Variants in INPP4B observed in about 807,000 individuals in gnomAD.
INPP4B encodes inositol polyphosphate-4-phosphatase type II B.
A neutral mutation model predicts 122.5 loss-of-function variants in INPP4B; 55 were observed. The ratio of observed to expected loss-of-function variants is 0.45; its 90% CI spans 0.36 to 0.56. The LOEUF is 0.56. INPP4B is among the 20% of genes least tolerant of loss of function. The pLI is 0.00. For missense variants in INPP4B, 1,000 were observed against 1,097.7 expected, an observed-to-expected ratio of 0.91 and a Z score of 1.26; for synonymous variants, 403 against 388.7, an observed-to-expected ratio of 1.04 and a Z score of -0.43.
intron 25 of INPP4B, among the ~76,000 whole-genome samples, chr4:142,061,390 A>C (rs756567413): frequency 6.6e-6 from 1 of 152,176 alleles, no homozygotes; most frequent in Non-Finnish European, 1.5e-5. Flanking sequence ...AAAAAGTTAC[A>C]AGTACATAGA....
At chr4:142,585,496 T>G (rs1357981894) in intron 2 of INPP4B, among the ~76,000 whole-genome samples, 1 of 152,144 alleles carries the variant, frequency 6.6e-6, no homozygotes, top group African/African-American at 2.4e-5. Context: ...ACAAACTCTC[T>G]CTGTGGGATC....
chr4:142,137,408 G>A (rs1232373743), intron 18 of INPP4B, among the ~76,000 whole-genome samples: 3 of 119,038 alleles, frequency 2.5e-5, no homozygotes, highest in African/African-American at 5.8e-5. Context: ...AGACTTAAAC[G>A]TTAGACCTAA....
chr4:142,205,478 T>A (rs775112439), intron 14 of INPP4B, among the ~76,000 whole-genome samples: 2 of 152,166 alleles, frequency 1.3e-5, no homozygotes, highest in African/African-American at 4.8e-5. Flanking sequence ...CAAGACTTCG[T>A]TGATTTTTAA....
intron 9 of INPP4B, among the ~76,000 whole-genome samples, chr4:142,292,876 T>C (rs1757014542): frequency 6.6e-6 from 1 of 152,152 alleles, no homozygotes; most frequent in African/African-American, 2.4e-5. Flanking sequence ...TAATGTAATA[T>C]ATGCCTAGTA....
At chr4:142,216,401 T>C (rs1847276471) in intron 12 of INPP4B, among the ~76,000 whole-genome samples, 1 of 152,200 alleles carries the variant, frequency 6.6e-6, no homozygotes, top group South Asian at 2.1e-4. Context: ...ATCTGCTCCA[T>C]TTCCCTTTCC....
chr4:142,146,371 T>C (rs970778634), intron 17 of INPP4B, among the ~76,000 whole-genome samples: 8 of 152,214 alleles, frequency 5.3e-5, no homozygotes, highest in African/African-American at 1.9e-4. Flanking sequence ...AAGAATGGCC[T>C]CCTGTTGTGT....
At chr4:142,166,789 A>G (rs1309361180) in intron 16 of INPP4B, among the ~76,000 whole-genome samples, 1 of 151,888 alleles carries the variant, frequency 6.6e-6, no homozygotes, top group Non-Finnish European at 1.5e-5. Context: ...ATAACAAAAA[A>G]GCTCAACATC....
chr4:142,221,116 C>T (rs926149487), intron 12 of INPP4B, among the ~76,000 whole-genome samples: 1 of 151,950 alleles, frequency 6.6e-6, no homozygotes, highest in Non-Finnish European at 1.5e-5. Context: ...GTAACACAAT[C>T]CGGCTGGGCA....
intron 7 of INPP4B, among the ~76,000 whole-genome samples, chr4:142,323,508 C>T (rs900628841): frequency 8.9e-5 from 13 of 146,698 alleles, no homozygotes; most frequent in East Asian, 2.0e-4. Context: ...TGCAGTGGCA[C>T]GATCTTGGCT....
intron 23 of INPP4B, among the ~76,000 whole-genome samples, chr4:142,102,449 G>C (rs1784914833): frequency 7.0e-6 from 1 of 141,996 alleles, no homozygotes; most frequent in Non-Finnish European, 1.5e-5. Flanking sequence ...CAAGGTGGAT[G>C]TGAACAAAGT....
intron 18 of INPP4B, among the ~76,000 whole-genome samples, chr4:142,134,145 T>C (rs1049299979): frequency 6.6e-6 from 1 of 152,238 alleles, no homozygotes; most frequent in Non-Finnish European, 1.5e-5. Context: ...AATTAAAATA[T>C]GTTGAATGAC....
chr4:142,332,576 T>A (rs1297746861), intron 7 of INPP4B, among the ~76,000 whole-genome samples: 7 of 152,124 alleles, frequency 4.6e-5, no homozygotes, highest in Non-Finnish European at 7.4e-5. Context: ...GATAAACCTT[T>A]AAAAGTAATT....
intron 1 of INPP4B, among the ~76,000 whole-genome samples, chr4:142,800,990 A>G (rs1372818033): frequency 1.3e-5 from 2 of 152,122 alleles, no homozygotes; most frequent in African/African-American, 4.8e-5. Context: ...CTGGAAATAG[A>G]TTTGATGAAG....
At chr4:142,643,040 G>C (rs1401976347) in intron 2 of INPP4B, among the ~76,000 whole-genome samples, 2 of 152,084 alleles carry the variant, frequency 1.3e-5, no homozygotes, top group Non-Finnish European at 2.9e-5. Context: ...ATTGTGAATG[G>C]GAGTTCACTC....
At chr4:142,705,757 C>A (rs1431674363) in intron 2 of INPP4B, among the ~76,000 whole-genome samples, 6 of 152,170 alleles carry the variant, frequency 3.9e-5, no homozygotes, top group African/African-American at 1.4e-4. Flanking sequence ...TCCAGTCTCA[C>A]AGGATTATCT....
At chr4:142,419,473 G>A (rs1806417595) in intron 5 of INPP4B, among the ~76,000 whole-genome samples, 2 of 152,106 alleles carry the variant, frequency 1.3e-5, no homozygotes, top group Admixed American at 1.3e-4. Context: ...GTGGATAACA[G>A]CTGAGAATAA....
chr4:142,218,507 G>A lies in INPP4B; in HGVS notation c.837-9481C>T, dbSNP rs573269196. Among the ~76,000 whole-genome samples, 12 of 152,176 alleles carry A rather than the reference G, an allele frequency of 7.9e-5. No individual in the cohort carries two copies. In the South Asian group the frequency reaches 2.5e-3, roughly 32 times the overall value. ...TGAAAATAATAGATAATTCATTTAC[G>A]GAAAAGTCGTAAGACAAAATAGCTT... is the stretch of plus-strand genomic sequence containing the variant. On this transcript the variant is annotated intron_variant, in intron 12 of 25. Coordinates refer to ENST00000262992, the MANE Select transcript of INPP4B (RefSeq NM_001101669.3).
intron 18 of INPP4B, among the ~76,000 whole-genome samples, chr4:142,126,371 A>T (rs1798620780): frequency 6.6e-6 from 1 of 152,118 alleles, no homozygotes; most frequent in Non-Finnish European, 1.5e-5. Context: ...AATCACAATC[A>T]CTATCGTACC....
At chr4:142,149,836 G>A (rs1260388859) in intron 17 of INPP4B, among the ~76,000 whole-genome samples, 4 of 152,186 alleles carry the variant, frequency 2.6e-5, no homozygotes, top group Non-Finnish European at 5.9e-5. Context: ...ATTAATAAAG[G>A]AGTATCAGGT....
Sources: gnomAD v4.1 joint callset for allele counts (sites outside exome capture counted in the v4.1 genomes callset) on GRCh38, gnomAD v4.1.1 for gene constraint, MANE v1.5 for transcripts, NCBI Gene and HGNC (gene_info 2026-07-23, HGNC 2026-07-21) for gene names.